The following SH2D2A variants were observed in gnomAD, a reference collection of about 807,000 sequenced individuals.
The protein encoded by SH2D2A is SH2 domain-containing protein 2A.
SH2D2A carries 33 observed loss-of-function variants against 43.6 expected under a neutral mutation model. The ratio of observed to expected loss-of-function variants is 0.76; its 90% CI spans 0.57 to 1.01. The LOEUF is 1.01. Among genes scored for constraint, SH2D2A ranks in the 50% least tolerant of loss-of-function variants. SH2D2A has a pLI of 0.00. For missense variants in SH2D2A, 491 were observed against 503.1 expected (o/e 0.98, Z 0.23); for synonymous variants, 212 against 206.1 (o/e 1.03, Z -0.25).
Position 156,815,159 on chromosome 1 carries a change from C to T in SH2D2A, c.186G>A (p.Val62=). The T allele has an allele frequency of 1.9e-6, 3 of 1,604,838 alleles. No homozygotes were observed. Among genetic ancestry groups the T allele is most frequent in the Non-Finnish European group, 2.6e-6 (3 of 1,175,846 alleles). ...NTGNAERAEE[V]PGEGSLFLQA... Reference sequence around the variant, plus strand: ...GCAGGAACAGGCTTCCTTCTCCAGGCACCTCCTCTGCCCTCTCAGCATTCC... The same window carrying T: ...GCAGGAACAGGCTTCCTTCTCCAGGTACCTCCTCTGCCCTCTCAGCATTCC... The change falls in exon 3 of 9, where the codon GTG becomes GTA. Residue 62 remains valine (V), a synonymous_variant. Transcript: ENST00000368199.
chr1:156,816,168 C>T lies in SH2D2A; in HGVS notation c.35-74G>A, dbSNP rs1029330461. The T allele has an allele frequency of 1.4e-5, 21 of 1,519,272 alleles. No homozygotes were observed. The African/African-American group carries it at 2.1e-4, about 15-fold the overall frequency. The allele number at this position is 1,519,272 out of a possible 1,614,324, so 94.1% of individuals were successfully genotyped here. A position where few individuals can be genotyped will look rare whatever the true frequency, so the allele number is the denominator to read the frequency against. ...CTGTCTCTGCCTCCCACCCCTCCTC[C>T]CAGGCTCAGGGGATCTGGAGGGCTG... On this transcript the variant is annotated intron_variant, in intron 1 of 8. Coordinates refer to ENST00000368199, the MANE Select transcript of SH2D2A (RefSeq NM_003975.4).
chr1:156,816,644 T>C, intron 1 of SH2D2A, 31 bp downstream of exon 1: 1 of 1,595,660 alleles, frequency 6.3e-7, no homozygotes, highest in Non-Finnish European at 8.5e-7. Flanking sequence ...TTGTGCCCCC[T>C]CCCACCCATA....
At chr1:156,810,143 C>A (rs1653312313) in intron 5 of SH2D2A, among the ~76,000 whole-genome samples, 1 of 152,162 alleles carries the variant, frequency 6.6e-6, no homozygotes, top group Non-Finnish European at 1.5e-5. Context: ...TCAAGCTATC[C>A]TCTTGCCTCA....
chr1:156,814,011 C>T lies in SH2D2A; in HGVS notation c.404G>A (p.Arg135Gln). 1 of 1,509,558 alleles carries T rather than the reference C, an allele frequency of 6.6e-7. No individual in the cohort carries two copies. The highest frequency in any genetic ancestry group is 1.2e-5 in the South Asian group (1 of 81,228). The allele number at this position is 1,509,558 out of a possible 1,614,324, so 93.5% of individuals were successfully genotyped here. ...AVTFVLTYRS[R>Q]TCCRHFLLAQ... ...CAGCAGGAAGTGGCGGCAGCAAGTC[C>T]GGCTCCTGGAGGGCGCCGTTAGGGA... Residue 135 changes from arginine (R) to glutamine (Q), a missense_variant, in exon 5 of 9, where the codon CGG (arginine) becomes CAG (glutamine). By Grantham distance (43) the Arg-to-Gln change is conservative. Transcript: ENST00000368199.
At position 156,809,399 on chromosome 1, in the gene SH2D2A, G is replaced by A. The variant is rs541076063; in HGVS notation, c.806C>T (p.Pro269Leu). Residue 269 changes from proline (P) to leucine (L), a missense_variant, in exon 7 of 9, where the codon CCG (proline) becomes CTG (leucine). By Grantham distance (98) the Pro-to-Leu change is moderately conservative. Coordinates refer to ENST00000368199, the MANE Select transcript of SH2D2A (RefSeq NM_003975.4). This position sits in a 1 kb window ranked among gnomAD's most constrained non-coding sequence, Gnocchi z 4.8. ...VYTIPVPRHR[P>L]APRPKPSNPI... ...ATTGGAGGGCTTGGGGCGTGGGGCC[G>A]GGCGGTGTCGTGGAACAGGGATTGT... 63 of 1,613,860 alleles carry A rather than the reference G, an allele frequency of 3.9e-5. No individual in the cohort carries two copies. The highest frequency in any genetic ancestry group is 5.2e-5 in the Non-Finnish European group (61 of 1,180,012).
intron 5 of SH2D2A, among the ~76,000 whole-genome samples, chr1:156,811,505 C>A (rs927721086): frequency 6.6e-6 from 1 of 152,192 alleles, no homozygotes; most frequent in African/African-American, 2.4e-5. Context: ...CTCCTCCTCA[C>A]CCCCAGACTT....
chr1:156,810,667 C>T (rs1653349510), intron 5 of SH2D2A, among the ~76,000 whole-genome samples: 1 of 151,994 alleles, frequency 6.6e-6, no homozygotes, highest in African/African-American at 2.4e-5. Context: ...ATTACAGGCG[C>T]CCACCACCAC....
chr1:156,809,990 T>C lies in SH2D2A; in HGVS notation c.568-183A>G, dbSNP rs1426993677. Among the ~76,000 whole-genome samples, 1 of 151,920 alleles carries C rather than the reference T, an allele frequency of 6.6e-6. No individual in the cohort carries two copies. Among genetic ancestry groups the C allele is most frequent in the South Asian group, 2.1e-4 (1 of 4,818 alleles). Reference sequence around the variant, plus strand: ...GTGGTGACGGCAGGGAGACCCAGGGTTGGATGGAGGCAGTGGTAAGCTCTG... The same window carrying C: ...GTGGTGACGGCAGGGAGACCCAGGGCTGGATGGAGGCAGTGGTAAGCTCTG... On this transcript the variant is annotated intron_variant, in intron 5 of 8. Transcript: ENST00000368199. This position sits in a 1 kb window ranked among gnomAD's most constrained non-coding sequence, Gnocchi z 4.8.
At chr1:156,814,975 A>G in intron 3 of SH2D2A, 62 bp downstream of exon 3, 2 of 1,370,472 alleles carry the variant, frequency 1.5e-6, no homozygotes, top group Admixed American at 2.8e-5. Context: ...GGCAGGTGGC[A>G]GGACCCAGAC....
intron 5 of SH2D2A, 103 bp downstream of exon 5, chr1:156,813,745 G>T (rs1653587668): frequency 3.5e-6 from 4 of 1,143,304 alleles, no homozygotes; most frequent in South Asian, 2.2e-5. Context: ...GTGGTGTTTC[G>T]GGATGAGAAA....
Position 156,816,786 on chromosome 1 carries a change from C to T in SH2D2A, c.-78G>A, listed in dbSNP as rs1653990662. 1 of 1,340,924 alleles carries T rather than the reference C, an allele frequency of 7.5e-7. No homozygotes were observed. The allele number at this position is 1,340,924 out of a possible 1,614,324, so 83.1% of individuals were successfully genotyped here. On this transcript the variant is annotated 5_prime_UTR_variant, in exon 1 of 9. The change abolishes an upstream ATG in the 5' untranslated region. Coordinates refer to ENST00000368199, the MANE Select transcript of SH2D2A (RefSeq NM_003975.4). ...AAGGTGTGCACACTCAGCAACTCAT[C>T]ATCTCTCCTCTCACCCTGGCCCCGG...
In SH2D2A at chr1:156,807,275, G is replaced by T; in HGVS notation, c.1073C>A (p.Pro358His). The stretch of plus-strand genomic sequence containing the variant: ...GAGGGTGTGTCTCCAGGCGGGTGGG[G>T]GCTGGTGGGGCAGGGGAGGGCCTTG... ...IGQGPPLPHQPPPAWRHTLPH... is the reference protein window; with the variant it reads ...IGQGPPLPHQHPPAWRHTLPH... The change falls in exon 8 of 9, where the codon CCC becomes CAC. Residue 358 changes from proline to histidine, a missense_variant. Physicochemically the swap from Pro to His is moderately conservative, Grantham distance 77. Coordinates refer to ENST00000368199, the MANE Select transcript of SH2D2A (RefSeq NM_003975.4). This position sits in a 1 kb window ranked among gnomAD's most constrained non-coding sequence, Gnocchi z 5.1. 1.9e-6 allele frequency: 3 copies of T among 1,599,038 alleles called. No homozygotes were observed. Among genetic ancestry groups the T allele is most frequent in the Non-Finnish European group, 2.5e-6 (3 of 1,176,506 alleles).
intron 3 of SH2D2A, chr1:156,814,531 C>T: frequency 3.0e-6 from 2 of 668,514 alleles, no homozygotes; most frequent in Non-Finnish European, 4.8e-6. Flanking sequence ...CTCCCCTGGC[C>T]TCATCCTGAA....
intron 5 of SH2D2A, among the ~76,000 whole-genome samples, chr1:156,811,864 G>C (rs978373241): frequency 6.6e-6 from 1 of 152,026 alleles, no homozygotes; most frequent in Non-Finnish European, 1.5e-5. Flanking sequence ...ACTGACTTCC[G>C]AGTGAGATTT....
chr1:156,815,495 G>T (rs1012658995), intron 2 of SH2D2A: 1 of 592,532 alleles, frequency 1.7e-6, no homozygotes, highest in Admixed American at 2.9e-5. Flanking sequence ...TCTAGGAGGG[G>T]CGGGAAAGGC....
chr1:156,815,347 G>A (rs1329942611), intron 2 of SH2D2A, 126 bp from the exon 3 acceptor site: 2 of 723,336 alleles, frequency 2.8e-6, no homozygotes, highest in African/African-American at 1.8e-5. Flanking sequence ...GGGTACAATT[G>A]CCCAGAAAGT....
chr1:156,810,612 C>T (rs932964648), intron 5 of SH2D2A, among the ~76,000 whole-genome samples: 2 of 151,922 alleles, frequency 1.3e-5, no homozygotes, highest in African/African-American at 4.8e-5. Context: ...CCTCCGCCTC[C>T]TGGGTTCAAG....
In SH2D2A at chr1:156,807,413, CA is replaced by C. The variant is rs1653051583; in HGVS notation, c.1003-69del. 2.2e-6 allele frequency: 3 copies of C among 1,335,988 alleles called. No homozygotes were observed. Among genetic ancestry groups the C allele is most frequent in the Non-Finnish European group, 3.0e-6 (3 of 1,004,752 alleles). The allele number at this position is 1,335,988 out of a possible 1,614,324, so 82.8% of individuals were successfully genotyped here. On this transcript the variant is annotated intron_variant, in intron 7 of 8. Transcript: ENST00000368199. This position sits in a 1 kb window ranked among gnomAD's most constrained non-coding sequence, Gnocchi z 5.1. ...TGCCTCCTAGGTGTACTTGCAGTCT[CA>C]AGACATCTGATCTGAACAGACTTTG...
Position 156,816,672 on chromosome 1 carries a change from T to TA in SH2D2A, c.34+2dup, listed in dbSNP as rs749856741. 6.2e-7 allele frequency: 1 copy of TA among 1,601,354 alleles called. No homozygotes were observed. Among genetic ancestry groups the TA allele is most frequent in the East Asian group, 2.3e-5 (1 of 43,550 alleles). ...CACCCATATCCTTCAACTTCACACT[T>TA]ACCTTGGGGACATATCTGGGCCAGG... On this transcript the variant is annotated splice_region_variant and intron_variant, in intron 1 of 8. Coordinates refer to ENST00000368199, the MANE Select transcript of SH2D2A (RefSeq NM_003975.4).
Sources: gnomAD v4.1 joint callset for allele counts (sites outside exome capture counted in the v4.1 genomes callset) on GRCh38, gnomAD v4.1.1 for gene constraint, Gnocchi (gnomAD v3.1) non-coding constraint, MANE v1.5 for transcripts, NCBI Gene and HGNC (gene_info 2026-07-23, HGNC 2026-07-21) for gene names.